ROCK2: variants seen among roughly 807,000 people sequenced by gnomAD.
ROCK2 encodes the protein Rho associated coiled-coil containing protein kinase 2.
Under a neutral mutation model 195.1 loss-of-function variants are expected in ROCK2, and 61 were observed. The ratio of observed to expected loss-of-function variants is 0.31; its 90% confidence interval spans 0.25 to 0.39. The LOEUF is 0.39. Ranked by LOEUF, ROCK2 falls within the 10% of genes least tolerant of loss-of-function variation. The pLI is 1.00. For missense variants in ROCK2, 1,109 were observed against 1,637.4 expected, an observed-to-expected ratio of 0.68 and a Z score of 5.57; for synonymous variants, 504 against 545.5, an observed-to-expected ratio of 0.92 and a Z score of 1.06.
chr2:11,221,655 T>C (rs1321987414), intron 8 of ROCK2, among the ~76,000 whole-genome samples: 1 of 152,154 alleles, frequency 6.6e-6, no homozygotes, highest in Non-Finnish European at 1.5e-5. Context: ...AACAGAAATA[T>C]TTCTTACCCT....
At chr2:11,277,251 C>T (rs984595409) in intron 3 of ROCK2, among the ~76,000 whole-genome samples, 2 of 152,206 alleles carry the variant, frequency 1.3e-5, no homozygotes, top group African/African-American at 4.8e-5. Context: ...TGGTAACAGA[C>T]AGAATAGGTT....
intron 1 of ROCK2, among the ~76,000 whole-genome samples, chr2:11,319,323 C>G (rs1668327941): frequency 6.6e-6 from 1 of 152,056 alleles, no homozygotes; most frequent in African/African-American, 2.4e-5. Flanking sequence ...CATTCACATC[C>G]CTTGTAAGTT....
chr2:11,234,807 C>T (rs1665145921), intron 5 of ROCK2: 1 of 151,950 alleles, frequency 6.6e-6, no homozygotes, highest in Non-Finnish European at 1.5e-5. Flanking sequence ...AGTTGGAATG[C>T]TGATGAAGGT....
chr2:11,289,454 T>C (rs1368543901), intron 1 of ROCK2, among the ~76,000 whole-genome samples: 3 of 152,224 alleles, frequency 2.0e-5, no homozygotes, highest in Non-Finnish European at 4.4e-5. Context: ...ATACTCTGTA[T>C]TACAATTTCA....
chr2:11,184,318 A>G (rs548146481), intron 32 of ROCK2, among the ~76,000 whole-genome samples: 1 of 152,350 alleles, frequency 6.6e-6, no homozygotes, highest in African/African-American at 2.4e-5. Flanking sequence ...ACAAACTAAT[A>G]TAGCTGTAGG....
At chr2:11,280,480 AT>A (rs1666962619) in intron 3 of ROCK2, among the ~76,000 whole-genome samples, 2 of 151,644 alleles carry the variant, frequency 1.3e-5, no homozygotes, top group African/African-American at 4.8e-5. Context: ...AAAAAAAAAA[AT>A]TGAGCCATTC....
chr2:11,257,174 C>T (rs1174687653), intron 3 of ROCK2, among the ~76,000 whole-genome samples: 1 of 151,466 alleles, frequency 6.6e-6, no homozygotes, highest in Non-Finnish European at 1.5e-5. Flanking sequence ...GGTGGAGGAG[C>T]AGGGGCTGGT....
intron 6 of ROCK2, among the ~76,000 whole-genome samples, chr2:11,226,462 A>G (rs1558307812): frequency 6.6e-6 from 1 of 152,208 alleles, no homozygotes; most frequent in Non-Finnish European, 1.5e-5. Flanking sequence ...GAGAATTACA[A>G]ACAATATATA....
intron 1 of ROCK2, 54 bp downstream of exon 1, chr2:11,343,942 G>C: frequency 1.3e-6 from 2 of 1,549,736 alleles, no homozygotes; most frequent in Non-Finnish European, 1.7e-6. Context: ...TGGGCGGAGA[G>C]GGGATCTGAG....
chr2:11,216,720 CTTT>C (rs1012481446), intron 12 of ROCK2, among the ~76,000 whole-genome samples: 1 of 147,838 alleles, frequency 6.8e-6, no homozygotes, highest in African/African-American at 2.5e-5. Context: ...TCTGTTTTTT[CTTT>C]TTTTTTCTTT....
intron 20 of ROCK2, among the ~76,000 whole-genome samples, chr2:11,202,410 T>C (rs185348552): frequency 6.6e-6 from 1 of 152,162 alleles, no homozygotes; most frequent in Admixed American, 6.5e-5. Context: ...TTCTCAGTTT[T>C]AATTTCTAAC....
chr2:11,267,084 G>A (rs1666443950), intron 3 of ROCK2, among the ~76,000 whole-genome samples: 1 of 152,046 alleles, frequency 6.6e-6, no homozygotes, highest in Non-Finnish European at 1.5e-5. Context: ...ATAAATCAAG[G>A]TCTGTCATAT....
At chr2:11,299,497 T>C (rs1022955524) in intron 1 of ROCK2, among the ~76,000 whole-genome samples, 1 of 152,052 alleles carries the variant, frequency 6.6e-6, no homozygotes, top group Admixed American at 6.5e-5. Flanking sequence ...GTTCATACTA[T>C]GTGCAAAAGA....
At chr2:11,238,523 A>G (rs1665307261) in intron 4 of ROCK2, among the ~76,000 whole-genome samples, 2 of 152,152 alleles carry the variant, frequency 1.3e-5, no homozygotes, top group African/African-American at 4.8e-5. Context: ...ACATTTCCCA[A>G]TTTCAAAACT....
intron 6 of ROCK2, 121 bp from the exon 7 acceptor site, chr2:11,224,581 C>T (rs893512843): frequency 2.3e-5 from 19 of 832,998 alleles, no homozygotes; most frequent in East Asian, 1.3e-4. Context: ...AAATATTCTA[C>T]GGGCACAGAG....
rs778969061 is a variant in ROCK2 at position 11,201,237 on chromosome 2, G to C, written c.2723+73C>G. On this transcript the variant is annotated intron_variant, in intron 22 of 32. Coordinates refer to ENST00000315872, the MANE Select transcript of ROCK2 (RefSeq NM_004850.5). The surrounding 1 kb of genome is among the most constrained non-coding windows in gnomAD (Gnocchi z 4.6). ...CACTTCATCAATAATTTTTTATTTG[G>C]TGATTACCAGGCATTGTTCTAGGAG... 5.4e-5 allele frequency: 81 copies of C among 1,509,854 alleles called. No individual in the cohort carries two copies. Among genetic ancestry groups the C allele is most frequent in the Non-Finnish European group, 7.0e-5 (77 of 1,103,148 alleles). The allele number at this position is 1,509,854 out of a possible 1,614,324, so 93.5% of individuals were successfully genotyped here.
intron 1 of ROCK2, among the ~76,000 whole-genome samples, chr2:11,294,357 G>A (rs1263902347): frequency 1.3e-5 from 2 of 152,302 alleles, no homozygotes; most frequent in East Asian, 3.9e-4. Context: ...GGATAGACAT[G>A]ATGCCAAACA....
chr2:11,331,017 AAGGAGGGAGG>A (rs1236184447), intron 1 of ROCK2, among the ~76,000 whole-genome samples: 29 of 19,022 alleles, frequency 1.5e-3, no homozygotes, highest in African/African-American at 5.0e-3. Flanking sequence ...GAGCAGAAAG[AAGGAGGGAGG>A]AGGAGGGAGG....
intron 3 of ROCK2, among the ~76,000 whole-genome samples, chr2:11,269,455 G>A (rs1242621699): frequency 6.6e-6 from 1 of 151,278 alleles, no homozygotes; most frequent in Non-Finnish European, 1.5e-5. Context: ...AGGTTGCAGT[G>A]AGCCAAGACT....
Sources: gnomAD v4.1 joint callset for allele counts (sites outside exome capture counted in the v4.1 genomes callset) on GRCh38, gnomAD v4.1.1 for gene constraint, Gnocchi (gnomAD v3.1) non-coding constraint, MANE v1.5 for transcripts, NCBI Gene and HGNC (gene_info 2026-07-23, HGNC 2026-07-21) for gene names.